Variants in ZC3H12D observed in about 807,000 individuals in gnomAD.
ZC3H12D encodes probable ribonuclease ZC3H12D.
Under a neutral mutation model 24.2 loss-of-function variants are expected in ZC3H12D, and 11 were observed. That is an observed-to-expected ratio of 0.46 (90% confidence interval 0.29 to 0.75). ZC3H12D has a LOEUF of 0.75. Among genes scored for constraint, ZC3H12D ranks in the 30% least tolerant of loss-of-function variants. ZC3H12D has a pLI of 0.11. For synonymous variants in ZC3H12D, 333 were observed against 341.8 expected (o/e 0.97, Z 0.28); for missense variants, 740 against 767.7 (o/e 0.96, Z 0.43).
chr6:149,469,368 G>A (rs1044469285), intron 2 of ZC3H12D, among the ~76,000 whole-genome samples: 1 of 152,110 alleles, frequency 6.6e-6, no homozygotes, highest in Non-Finnish European at 1.5e-5. Context: ...TGAGGCAGGG[G>A]AATGGCGTGA....
intron 1 of ZC3H12D, among the ~76,000 whole-genome samples, chr6:149,477,652 C>T (rs554987142): frequency 5.3e-5 from 8 of 152,154 alleles, no homozygotes; most frequent in Admixed American, 2.0e-4. Context: ...ACCTATATTC[C>T]GATGGGCCCC....
At chr6:149,474,185 G>C (rs1024878777) in intron 2 of ZC3H12D, 54 bp downstream of exon 2, 11 of 1,400,504 alleles carry the variant, frequency 7.9e-6, no homozygotes, top group Non-Finnish European at 1.0e-5. Context: ...AGTTCTCAGG[G>C]CTCCTGCGAA....
At chr6:149,461,702 G>A in intron 3 of ZC3H12D, 129 bp downstream of exon 3, 1 of 1,055,588 alleles carries the variant, frequency 9.5e-7, no homozygotes, top group African/African-American at 1.6e-5. Flanking sequence ...CCTTCATGGA[G>A]CTTATAGCGC....
intron 2 of ZC3H12D, among the ~76,000 whole-genome samples, chr6:149,468,216 G>A (rs1285699085): frequency 1.3e-5 from 2 of 152,006 alleles, no homozygotes; most frequent in Non-Finnish European, 2.9e-5. Flanking sequence ...CCTGACCTCA[G>A]GTGATTCGCC....
At chr6:149,473,754 G>A (rs954923269) in intron 2 of ZC3H12D, among the ~76,000 whole-genome samples, 2 of 152,180 alleles carry the variant, frequency 1.3e-5, no homozygotes, top group African/African-American at 4.8e-5. Context: ...ATAACCTTGA[G>A]AGAGTAGAAG....
At position 149,474,527 on chromosome 6, in the gene ZC3H12D, T is replaced by C. The variant is rs776094500; in HGVS notation, c.17A>G (p.Lys6Arg). Residue 6 changes from lysine (K) to arginine (R), a missense_variant, in exon 2 of 6, where the codon AAG becomes AGG. Physicochemically the swap from Lys to Arg is conservative, Grantham distance 26 (BLOSUM62 2). Transcript: ENST00000409806. MEHPSKMEFFQKLGYD... is the reference protein window; with the variant it reads MEHPSRMEFFQKLGYD... ...GCCCAGCTTCTGGAAGAATTCCATC[T>C]TGCTGGGGTGCTCCATGCTGTGCCC... is the stretch of plus-strand genomic sequence containing the variant. 2.0e-6 allele frequency: 3 copies of C among 1,532,530 alleles called. No individual in the cohort carries two copies. The allele number at this position is 1,532,530 out of a possible 1,614,324, so 94.9% of individuals were successfully genotyped here.
At position 149,450,627 on chromosome 6, in the gene ZC3H12D, C is replaced by T; in HGVS notation, c.*56G>A. 6.9e-7 allele frequency: 1 copy of T among 1,442,382 alleles called. No individual in the cohort carries two copies. The highest frequency in any genetic ancestry group is 9.2e-7 in the Non-Finnish European group (1 of 1,092,860). The allele number at this position is 1,442,382 out of a possible 1,614,324, so 89.3% of individuals were successfully genotyped here. A position where few individuals can be genotyped will look rare whatever the true frequency, so the allele number is the denominator to read the frequency against. ...GTCCAGGCTGGCAACCACAGGTCCA[C>T]CCGTCCAAGACGCAAGGCGAGGCTG... On this transcript the variant is annotated 3_prime_UTR_variant, in exon 6 of 6. Coordinates refer to ENST00000409806, the MANE Select transcript of ZC3H12D (RefSeq NM_207360.3).
chr6:149,452,562 C>G lies in ZC3H12D; in HGVS notation c.787+54G>C. ...AGCGCTTTTTGACTGTGCTCCTGTA[C>G]TGCCCCCACACAAGGCCCTGAACAG... On this transcript the variant is annotated intron_variant, in intron 5 of 5. Coordinates refer to ENST00000409806, the MANE Select transcript of ZC3H12D (RefSeq NM_207360.3). The surrounding 1 kb of genome is among the most constrained non-coding windows in gnomAD (Gnocchi z 4.0). The G allele has an allele frequency of 7.2e-7, 1 of 1,395,676 alleles. No individual in the cohort carries two copies. Among genetic ancestry groups the G allele is most frequent in the African/African-American group, 1.5e-5 (1 of 68,114 alleles). 86.5% of individuals were successfully genotyped at this position (1,395,676 alleles called of 1,614,324 possible).
At chr6:149,457,975 C>A (rs559270948) in intron 3 of ZC3H12D, among the ~76,000 whole-genome samples, 1 of 152,108 alleles carries the variant, frequency 6.6e-6, no homozygotes, top group Non-Finnish European at 1.5e-5. Flanking sequence ...GTCCCCTCTG[C>A]CCCCTCAGTC....
intron 2 of ZC3H12D, among the ~76,000 whole-genome samples, chr6:149,466,200 A>G (rs1776158518): frequency 6.6e-6 from 1 of 152,020 alleles, no homozygotes; most frequent in Admixed American, 6.6e-5. Flanking sequence ...CAGCCCAGCC[A>G]CTGTGCAACA....
chr6:149,451,488 G>A lies in ZC3H12D; in HGVS notation c.788-9C>T. The stretch of plus-strand genomic sequence containing the variant: ...ATAGGTGCATTTCTTGCCTGAAAGG[G>A]GCGGGGGCAGAGAGGGCGCGACGTG... On this transcript the variant is annotated splice_polypyrimidine_tract_variant and intron_variant, in intron 5 of 5. Coordinates refer to ENST00000409806, the MANE Select transcript of ZC3H12D (RefSeq NM_207360.3). 4 of 1,559,916 alleles carry A rather than the reference G, an allele frequency of 2.6e-6. No homozygotes were observed. Among genetic ancestry groups the A allele is most frequent in the Non-Finnish European group, 3.4e-6 (4 of 1,163,288 alleles).
chr6:149,451,051 G>C lies in ZC3H12D; in HGVS notation c.1216C>G (p.Pro406Ala). 2 of 1,417,110 alleles carry C rather than the reference G, an allele frequency of 1.4e-6. No individual in the cohort carries two copies. Among genetic ancestry groups the C allele is most frequent in the Non-Finnish European group, 1.8e-6 (2 of 1,090,558 alleles). 87.8% of individuals were successfully genotyped at this position (1,417,110 alleles called of 1,614,324 possible). ...CGCGGCTGGAGCTGCAGGCCGGGCG[G>C]AGGCGGGAGGTCGCCCGGGGAGAAC... Reference protein sequence around the residue: ...SQFSPGDLPPPPGLQLQPRGE... With the variant: ...SQFSPGDLPPAPGLQLQPRGE... The change falls in exon 6 of 6, where the codon CCG becomes GCG. Residue 406 changes from proline (P) to alanine (A), a missense_variant. Physicochemically the swap from Pro to Ala is conservative, Grantham distance 27. Transcript: ENST00000409806.
intron 2 of ZC3H12D, among the ~76,000 whole-genome samples, chr6:149,462,631 G>A (rs150053207): frequency 1.7e-4 from 26 of 152,316 alleles, no homozygotes; most frequent in African/African-American, 6.0e-4. Context: ...TGAGTCAGTG[G>A]ACTGGGAGAG....
chr6:149,459,189 T>A (rs1038468544), intron 3 of ZC3H12D, among the ~76,000 whole-genome samples: 1 of 152,200 alleles, frequency 6.6e-6, no homozygotes, highest in Admixed American at 6.5e-5. Context: ...TCCTTCCCTA[T>A]CCCAAAGTAA....
At chr6:149,459,486 G>A (rs768036823) in intron 3 of ZC3H12D, 17 of 673,720 alleles carry the variant, frequency 2.5e-5, no homozygotes, top group Non-Finnish European at 3.0e-5. Flanking sequence ...AGCATGGAGG[G>A]AACCACAGCC....
At chr6:149,451,774 A>T (rs1353794795) in intron 5 of ZC3H12D, among the ~76,000 whole-genome samples, 1 of 152,198 alleles carries the variant, frequency 6.6e-6, no homozygotes, top group Non-Finnish European at 1.5e-5. Context: ...GGTCCCTTTG[A>T]CCAGGGACTA....
At chr6:149,473,149 A>ACCT (rs1776272483) in intron 2 of ZC3H12D, among the ~76,000 whole-genome samples, 1 of 148,948 alleles carries the variant, frequency 6.7e-6, no homozygotes, top group South Asian at 2.1e-4. Context: ...AAAAAAAAAA[A>ACCT]CTCAAAGTAC....
chr6:149,450,657 A>G lies in ZC3H12D; in HGVS notation c.*26T>C. 1.3e-6 allele frequency: 2 copies of G among 1,489,414 alleles called. No individual in the cohort carries two copies. Among genetic ancestry groups the G allele is most frequent in the Non-Finnish European group, 1.8e-6 (2 of 1,116,208 alleles). The allele number at this position is 1,489,414 out of a possible 1,614,324, so 92.3% of individuals were successfully genotyped here. On this transcript the variant is annotated 3_prime_UTR_variant, in exon 6 of 6. Coordinates refer to ENST00000409806, the MANE Select transcript of ZC3H12D (RefSeq NM_207360.3). ...CCAAGACGCAAGGCGAGGCTGGGCCATTCCCTGCAAGTGCGTGTTGGTCCC... is the reference window on the plus strand; with the variant it reads ...CCAAGACGCAAGGCGAGGCTGGGCCGTTCCCTGCAAGTGCGTGTTGGTCCC...
At chr6:149,468,033 G>A (rs889603031) in intron 2 of ZC3H12D, among the ~76,000 whole-genome samples, 1 of 152,176 alleles carries the variant, frequency 6.6e-6, no homozygotes, top group Non-Finnish European at 1.5e-5. Flanking sequence ...CCAGACTGGA[G>A]TGCAATGGCG....
Sources: allele counts gnomAD v4.1 joint callset (sites outside exome capture counted in the v4.1 genomes callset), GRCh38; gene constraint gnomAD v4.1.1; non-coding constraint Gnocchi (gnomAD v3.1); transcripts MANE v1.5; gene names NCBI Gene and HGNC (gene_info 2026-07-23, HGNC 2026-07-21).